CCDC57: variants seen among roughly 807,000 people sequenced by gnomAD.
The protein encoded by CCDC57 is coiled-coil domain-containing protein 57.
A neutral mutation model predicts 118.9 loss-of-function variants in CCDC57; 118 were observed. That is an observed-to-expected ratio of 0.99 (90% CI 0.86 to 1.16). The LOEUF is 1.16. CCDC57 is among the 50% of genes most tolerant of loss of function. CCDC57 has a pLI of 0.00. For synonymous variants in CCDC57, 527 were observed against 532.9 expected, an observed-to-expected ratio of 0.99 and a Z score of 0.15; for missense variants, 1,300 against 1,320.7, an observed-to-expected ratio of 0.98 and a Z score of 0.24.
intron 2 of CCDC57, among the ~76,000 whole-genome samples, chr17:82,204,093 C>G (rs1465248439): frequency 1.3e-5 from 2 of 152,120 alleles, no homozygotes; most frequent in Non-Finnish European, 2.9e-5. Context: ...CCCTGGGGGT[C>G]CTGAGACGGC....
intron 16 of CCDC57, among the ~76,000 whole-genome samples, chr17:82,148,125 AGATGGATGGATGGATGGATGGATGGATG>A (rs143199335): frequency 1.6e-4 from 12 of 75,794 alleles, no homozygotes; most frequent in African/African-American, 6.1e-5. Flanking sequence ...TTGGATGGTT[AGATGGATGGATGGATGGATGGATGGATG>A]GATGGATGGA....
At chr17:82,167,733 G>A (rs979973590) in intron 13 of CCDC57, among the ~76,000 whole-genome samples, 6 of 149,466 alleles carry the variant, frequency 4.0e-5, no homozygotes, top group Admixed American at 2.0e-4. Context: ...CACCCACCTC[G>A]GCCTCCCAAA....
At chr17:82,110,745 C>G (rs755309635) in intron 19 of CCDC57, among the ~76,000 whole-genome samples, 7 of 152,120 alleles carry the variant, frequency 4.6e-5, no homozygotes, top group Admixed American at 6.5e-5. Context: ...ATTATTTATG[C>G]CGGGCACGGT....
chr17:82,176,539 C>T (rs1331864760), intron 11 of CCDC57, among the ~76,000 whole-genome samples: 2 of 152,188 alleles, frequency 1.3e-5, no homozygotes, highest in South Asian at 2.1e-4. Flanking sequence ...GTCCTCACTA[C>T]CTGCTTCTTT....
intron 2 of CCDC57, among the ~76,000 whole-genome samples, chr17:82,207,267 A>C (rs1258723119): frequency 6.6e-6 from 1 of 151,962 alleles, no homozygotes; most frequent in African/African-American, 2.4e-5. Flanking sequence ...TACGACGTTG[A>C]GGCTGCAGTG....
chr17:82,211,208 G>A (rs1407832207), intron 1 of CCDC57, among the ~76,000 whole-genome samples: 1 of 152,152 alleles, frequency 6.6e-6, no homozygotes, highest in Non-Finnish European at 1.5e-5. Context: ...AAGACGCTGG[G>A]AAGGGCACAA....
At chr17:82,171,944 G>C in intron 12 of CCDC57, 91 bp from the exon 12 acceptor site, 1 of 1,353,392 alleles carries the variant, frequency 7.4e-7, no homozygotes, top group Non-Finnish European at 1.0e-6. Context: ...GCCGATGCCA[G>C]CTCATGCCCG....
intron 19 of CCDC57, among the ~76,000 whole-genome samples, chr17:82,114,621 C>T (rs1452632247): frequency 2.6e-5 from 4 of 152,044 alleles, no homozygotes; most frequent in African/African-American, 7.2e-5. Context: ...AGGTGGAGGG[C>T]GGCTGGAGCT....
At chr17:82,111,344 C>T (rs1449650420) in intron 19 of CCDC57, among the ~76,000 whole-genome samples, 2 of 148,674 alleles carry the variant, frequency 1.3e-5, no homozygotes, top group African/African-American at 2.5e-5. Context: ...CCTCGTGATC[C>T]ACCCACCTTG....
intron 19 of CCDC57, among the ~76,000 whole-genome samples, chr17:82,119,251 T>A (rs914451212): frequency 1.3e-5 from 2 of 152,178 alleles, no homozygotes; most frequent in Non-Finnish European, 2.9e-5. Context: ...GTCATTTTTT[T>A]AAGCCTCAAA....
rs566422393 is a variant in CCDC57, at chr17:82,198,040, C to T, written c.516+274G>A. On this transcript the variant is annotated intron_variant, in intron 4 of 19. Transcript: ENST00000665763. ...ACAATTTATCTCCTATATATCTACACGTCTCCTATTGCCTGTTTCCCTGGA... is the reference window on the plus strand; with the variant it reads ...ACAATTTATCTCCTATATATCTACATGTCTCCTATTGCCTGTTTCCCTGGA... Among the ~76,000 whole-genome samples the T allele has an allele frequency of 2.6e-5, 4 of 152,302 alleles. No homozygotes were observed. The South Asian group carries it at 8.3e-4, about 32-fold the overall frequency.
chr17:82,178,727 A>T, intron 10 of CCDC57, 122 bp from the exon 10 acceptor site: 1 of 1,408,384 alleles, frequency 7.1e-7, no homozygotes, highest in Non-Finnish European at 9.5e-7. Flanking sequence ...CACTGTGGCC[A>T]GGCCGCCAAA....
At chr17:82,128,497 G>A (rs759074509) in exon 18 of CCDC57, 41 of 1,555,208 alleles carry the variant, frequency 2.6e-5, no homozygotes, top group Admixed American at 3.8e-5. Flanking sequence ...TCTCACCTTC[G>A]GGCCTTGCAG....
intron 16 of CCDC57, among the ~76,000 whole-genome samples, chr17:82,143,001 C>T (rs947786296): frequency 6.6e-6 from 1 of 152,114 alleles, no homozygotes; most frequent in Non-Finnish European, 1.5e-5. Flanking sequence ...CCCGTCTCTA[C>T]TAAAAATACA....
chr17:82,102,550 G>A (rs1248111686), intron 19 of CCDC57, among the ~76,000 whole-genome samples: 2 of 152,138 alleles, frequency 1.3e-5, no homozygotes. Flanking sequence ...AAGAATGTGG[G>A]GGTTTTTTTT....
intron 16 of CCDC57, among the ~76,000 whole-genome samples, chr17:82,148,532 A>G (rs1239074528): frequency 8.1e-4 from 15 of 18,628 alleles, no homozygotes; most frequent in South Asian, 2.4e-3. Context: ...TGAATGGATG[A>G]ATGGGTGGGT....
chr17:82,127,063 C>T (rs1387278653), intron 19 of CCDC57: 8 of 985,460 alleles, frequency 8.1e-6, no homozygotes, highest in Middle Eastern at 5.2e-4. Context: ...ACCCTTCAAA[C>T]AGACTTTTCT....
At chr17:82,116,337 C>T (rs1331164105) in intron 19 of CCDC57, among the ~76,000 whole-genome samples, 4 of 152,092 alleles carry the variant, frequency 2.6e-5, no homozygotes, top group South Asian at 4.1e-4. Flanking sequence ...CACTCACCTC[C>T]GACCCACCCA....
chr17:82,199,957 G>A (rs2048796713), intron 3 of CCDC57, among the ~76,000 whole-genome samples: 1 of 152,208 alleles, frequency 6.6e-6, no homozygotes, highest in African/African-American at 2.4e-5. Context: ...TCAACACTGT[G>A]GGCTTCCCAG....
Sources: allele counts gnomAD v4.1 joint callset (sites outside exome capture counted in the v4.1 genomes callset), GRCh38; gene constraint gnomAD v4.1.1; transcripts MANE v1.5; gene names NCBI Gene and HGNC (gene_info 2026-07-23, HGNC 2026-07-21).